The following ARHGAP10 variants were observed in gnomAD, a reference collection of about 807,000 sequenced individuals.
The protein encoded by ARHGAP10 is rho GTPase-activating protein 10.
In ARHGAP10, 87 loss-of-function variants were observed where a neutral mutation model predicts 108.6. The observed-to-expected ratio is 0.80, with a 90% confidence interval of 0.67 to 0.96. The LOEUF (loss-of-function observed/expected upper bound fraction) is 0.96. ARHGAP10 is among the 40% of genes least tolerant of loss of function. The probability of loss-of-function intolerance (pLI) is 0.00; values close to 1 mark genes in which losing one functional copy is unlikely to be tolerated. For synonymous variants in ARHGAP10, 347 were observed against 341.1 expected (o/e 1.02, Z -0.19); for missense variants, 939 against 954.5 (o/e 0.98, Z 0.21).
rs761619736 is a variant in ARHGAP10 at position 148,063,221 on chromosome 4, G to C, written c.2101G>C (p.Ala701Pro). 1.9e-6 allele frequency: 3 copies of C among 1,614,174 alleles called. No homozygotes were observed. Among genetic ancestry groups the C allele is most frequent in the Admixed American group, 1.7e-5 (1 of 60,016 alleles). ...TCCAACCACAACAAGCTCCAACTCA[G>C]CTGTGACACCTCTTTCACCCGGGTC... Reference protein sequence around the residue: ...QSPTTTSSNSAVTPLSPGSSP... With the variant: ...QSPTTTSSNSPVTPLSPGSSP... The change falls in exon 21 of 23, where the codon GCT becomes CCT. Residue 701 changes from alanine (A) to proline (P), a missense_variant. Coordinates refer to ENST00000336498, the MANE Select transcript of ARHGAP10 (RefSeq NM_024605.4).
In ARHGAP10 at chr4:147,965,018, T is replaced by G. The variant is rs1011008001; in HGVS notation, c.1451-6T>G. 2.6e-6 allele frequency: 4 copies of G among 1,529,514 alleles called. No homozygotes were observed. The highest frequency in any genetic ancestry group is 3.5e-6 in the Non-Finnish European group (4 of 1,144,136). 94.7% of individuals were successfully genotyped at this position (1,529,514 alleles called of 1,614,324 possible). ...TTTTTCTTTATTATTATTTTTTTTT[T>G]GGAAGAAAGCGGCAGCCCAGAATCT... On this transcript the variant is annotated splice_region_variant and splice_polypyrimidine_tract_variant and intron_variant, in intron 16 of 22. Transcript: ENST00000336498.
intron 1 of ARHGAP10, among the ~76,000 whole-genome samples, chr4:147,751,190 CA>C (rs35941586): frequency 6.7e-6 from 1 of 150,346 alleles, no homozygotes; most frequent in Non-Finnish European, 1.5e-5. Flanking sequence ...AAACCAAAAA[CA>C]AAAAAAACAA....
At chr4:147,818,146 T>G (rs1333231389) in intron 1 of ARHGAP10, among the ~76,000 whole-genome samples, 2 of 151,800 alleles carry the variant, frequency 1.3e-5, no homozygotes, top group Non-Finnish European at 2.9e-5. Flanking sequence ...GAACCTATTT[T>G]TTTTTCTTCT....
intron 15 of ARHGAP10, among the ~76,000 whole-genome samples, chr4:147,952,339 C>A (rs1201915967): frequency 6.6e-6 from 1 of 152,196 alleles, no homozygotes; most frequent in African/African-American, 2.4e-5. Flanking sequence ...GACAAACTTT[C>A]TTCCCAAGTT....
intron 18 of ARHGAP10, among the ~76,000 whole-genome samples, chr4:148,015,108 T>C (rs184794932): frequency 3.9e-5 from 6 of 152,152 alleles, no homozygotes; most frequent in African/African-American, 1.4e-4. Flanking sequence ...GAGGGCCTCA[T>C]ACTGATAGGT....
chr4:147,825,123 G>A (rs1321937486), intron 3 of ARHGAP10, among the ~76,000 whole-genome samples: 1 of 152,148 alleles, frequency 6.6e-6, no homozygotes, highest in Non-Finnish European at 1.5e-5. Flanking sequence ...ATGTTGGCTA[G>A]GGCTGCGGGA....
intron 1 of ARHGAP10, among the ~76,000 whole-genome samples, chr4:147,806,404 G>A (rs1335150548): frequency 6.7e-6 from 1 of 149,080 alleles, no homozygotes; most frequent in African/African-American, 2.5e-5. Flanking sequence ...TATTATATAT[G>A]AATATTGTAT....
At chr4:147,734,011 G>T (rs1362048048) in intron 1 of ARHGAP10, among the ~76,000 whole-genome samples, 1 of 594 alleles carries the variant, frequency 1.7e-3, no homozygotes, top group Non-Finnish European at 8.2e-3. Flanking sequence ...AAGTAGGGGG[G>T]CGCCTATACA....
chr4:147,814,856 T>A (rs1732175746), intron 1 of ARHGAP10, among the ~76,000 whole-genome samples: 1 of 152,122 alleles, frequency 6.6e-6, no homozygotes, highest in Non-Finnish European at 1.5e-5. Flanking sequence ...AGACCCTAGT[T>A]CCAAATAAGG....
chr4:147,950,967 A>C (rs576552796), intron 15 of ARHGAP10, among the ~76,000 whole-genome samples: 1 of 152,226 alleles, frequency 6.6e-6, no homozygotes, highest in Admixed American at 6.5e-5. Flanking sequence ...TATATCCCCC[A>C]ACAGATCCCA....
At chr4:147,845,036 T>TC (rs2126814945) in intron 3 of ARHGAP10, among the ~76,000 whole-genome samples, 1 of 152,298 alleles carries the variant, frequency 6.6e-6, no homozygotes, top group Admixed American at 6.5e-5. Context: ...ACTTCATTGC[T>TC]CCTTACGCTT....
chr4:147,999,819 C>A (rs535935938), intron 18 of ARHGAP10, among the ~76,000 whole-genome samples: 1 of 152,136 alleles, frequency 6.6e-6, no homozygotes, highest in Non-Finnish European at 1.5e-5. Context: ...TGCCCTGCCC[C>A]CCTCGTTTAC....
intron 18 of ARHGAP10, among the ~76,000 whole-genome samples, chr4:147,983,579 A>G (rs77314624): frequency 0.02 from 3,046 of 150,728 alleles, 51 homozygotes; most frequent in Non-Finnish European, 0.03. Flanking sequence ...TTTCTTTTGC[A>G]TGGTCTCATC....
chr4:147,752,444 ATTG>A (rs999506398), intron 1 of ARHGAP10, among the ~76,000 whole-genome samples: 1 of 151,980 alleles, frequency 6.6e-6, no homozygotes, highest in Non-Finnish European at 1.5e-5. Flanking sequence ...AAAAAACGCT[ATTG>A]TTTGCTTTTA....
At chr4:147,743,552 C>T (rs757680373) in intron 1 of ARHGAP10, among the ~76,000 whole-genome samples, 28 of 151,934 alleles carry the variant, frequency 1.8e-4, no homozygotes, top group Middle Eastern at 3.4e-3. Context: ...CTGAGGCGGG[C>T]GGATCACCTG....
chr4:148,040,120 G>T (rs910016008), intron 19 of ARHGAP10, among the ~76,000 whole-genome samples: 8 of 152,100 alleles, frequency 5.3e-5, no homozygotes, highest in African/African-American at 1.9e-4. Flanking sequence ...CTAGGTGCTG[G>T]TTCAGAGCCA....
At chr4:147,930,305 T>C (rs4594709) in intron 13 of ARHGAP10, among the ~76,000 whole-genome samples, 137,315 of 152,230 alleles carry the variant, frequency 0.9, 62,315 homozygotes, top group East Asian at 0.97. Flanking sequence ...TGTATCTTTT[T>C]CTGTCATGTA....
intron 15 of ARHGAP10, 57 bp from the exon 16 acceptor site, chr4:147,955,259 C>T (rs1434088704): frequency 2.0e-6 from 3 of 1,499,870 alleles, no homozygotes; most frequent in East Asian, 2.3e-5. Flanking sequence ...CATAAAAAAA[C>T]TCAGAAGTGA....
intron 1 of ARHGAP10, among the ~76,000 whole-genome samples, chr4:147,744,927 G>C (rs975467461): frequency 6.6e-6 from 1 of 152,158 alleles, no homozygotes; most frequent in Non-Finnish European, 1.5e-5. Flanking sequence ...TGCCGAGAGA[G>C]AATGTAGAGG....
Sources: allele counts gnomAD v4.1 joint callset (sites outside exome capture counted in the v4.1 genomes callset), GRCh38; gene constraint gnomAD v4.1.1; transcripts MANE v1.5; gene names NCBI Gene and HGNC (gene_info 2026-07-23, HGNC 2026-07-21).